RBFOX1: variants seen among roughly 807,000 people sequenced by gnomAD.
The protein encoded by RBFOX1 is RNA binding fox-1 homolog 1, also known as RNA binding protein fox-1 homolog 1.
In RBFOX1, 8 loss-of-function variants were observed where a neutral mutation model predicts 57.7. That is an observed-to-expected ratio of 0.14 (90% confidence interval 0.08 to 0.25). The LOEUF (loss-of-function observed/expected upper bound fraction) is 0.25. Among genes scored for constraint, RBFOX1 ranks in the 10% least tolerant of loss-of-function variants. The probability of loss-of-function intolerance (pLI) is 1.00; values close to 1 mark genes in which losing one functional copy is unlikely to be tolerated. For missense variants in RBFOX1, 611 were observed against 548.5 expected (o/e 1.11, Z -1.14); for synonymous variants, 326 against 222.4 (o/e 1.47, Z -4.15).
intron 3 of RBFOX1, among the ~76,000 whole-genome samples, chr16:5,708,378 C>A (rs141565754): frequency 6.6e-6 from 1 of 152,294 alleles, no homozygotes; most frequent in Non-Finnish European, 1.5e-5. Flanking sequence ...TACATAGATT[C>A]CTTTGATAGT....
chr16:6,303,404 T>C (rs898488426), intron 1 of RBFOX1, among the ~76,000 whole-genome samples: 1 of 152,244 alleles, frequency 6.6e-6, no homozygotes, highest in South Asian at 2.1e-4. Context: ...ATTTTCTTTC[T>C]CCATGTTGAA....
Position 5,947,280 on chromosome 16 carries a change from G to A in RBFOX1, c.351+79945G>A, listed in dbSNP as rs895141211. ...AGAGCACAGTGGGTAAGGAGGAGGT[G>A]GCCAAGCTGAGGTCAGAGGGGGAGG... On this transcript the variant is annotated intron_variant, in intron 4 of 19. Transcript: ENST00000641259. The surrounding 1 kb of genome is among the most constrained non-coding windows in gnomAD (Gnocchi z 7.2). Among the ~76,000 whole-genome samples the A allele has an allele frequency of 2.0e-5, 3 of 152,118 alleles. No individual in the cohort carries two copies. The highest frequency in any genetic ancestry group is 7.2e-5 in the African/African-American group (3 of 41,428).
chr16:7,617,019 T>G (rs2141832773), intron 10 of RBFOX1, among the ~76,000 whole-genome samples: 1 of 151,706 alleles, frequency 6.6e-6, no homozygotes, highest in South Asian at 2.1e-4. Context: ...ACTTGCAATT[T>G]ATAGTGACAT....
At chr16:7,215,034 G>T (rs564605665) in intron 4 of RBFOX1, among the ~76,000 whole-genome samples, 1 of 152,200 alleles carries the variant, frequency 6.6e-6, no homozygotes, top group African/African-American at 2.4e-5. Context: ...TTAGCTATTT[G>T]TCCTAATGCT....
intron 1 of RBFOX1, among the ~76,000 whole-genome samples, chr16:5,296,083 C>T (rs551631535): frequency 1.5e-3 from 144 of 95,916 alleles, no homozygotes; most frequent in Admixed American, 3.6e-3. Flanking sequence ...CCGGGTTCCC[C>T]CTGAGCTTCT....
At chr16:7,370,574 A>G (rs770906798) in intron 4 of RBFOX1, among the ~76,000 whole-genome samples, 3 of 152,156 alleles carry the variant, frequency 2.0e-5, no homozygotes, top group Non-Finnish European at 4.4e-5. Context: ...TGATATTTTC[A>G]GATGTGCTGC....
At chr16:7,427,032 C>T (rs529235299) in intron 4 of RBFOX1, among the ~76,000 whole-genome samples, 1 of 152,162 alleles carries the variant, frequency 6.6e-6, no homozygotes, top group Non-Finnish European at 1.5e-5. Flanking sequence ...CCAAACACTG[C>T]GTGTTCTCAC....
intron 3 of RBFOX1, among the ~76,000 whole-genome samples, chr16:6,831,485 A>G (rs1423594590): frequency 6.6e-6 from 1 of 152,134 alleles, no homozygotes; most frequent in Non-Finnish European, 1.5e-5. Context: ...ATTATATATC[A>G]TTTACTTAGC....
chr16:5,771,012 T>C (rs777635610), intron 3 of RBFOX1, among the ~76,000 whole-genome samples: 5 of 152,180 alleles, frequency 3.3e-5, no homozygotes, highest in African/African-American at 1.2e-4. Context: ...AAACGAGCAG[T>C]GTTGGCATCA....
At chr16:6,632,837 C>G (rs375686148) in intron 2 of RBFOX1, among the ~76,000 whole-genome samples, 1 of 152,194 alleles carries the variant, frequency 6.6e-6, no homozygotes, top group South Asian at 2.1e-4. Context: ...TGGAGCTGCT[C>G]TCTTTTCTTA....
In RBFOX1 at chr16:6,795,425, A is replaced by T. The variant is rs544688721; in HGVS notation, c.-16+140775A>T. Reference sequence around the variant, plus strand: ...GGAGTTTTGTCCTCAAGTTAAATTAATTCCCATTTTTTTTAAGTTACGTCT... The same window carrying T: ...GGAGTTTTGTCCTCAAGTTAAATTATTTCCCATTTTTTTTAAGTTACGTCT... On this transcript the variant is annotated intron_variant, in intron 3 of 15. Coordinates refer to ENST00000550418, the MANE Select transcript of RBFOX1 (RefSeq NM_018723.4). Among the ~76,000 whole-genome samples, 128 of 151,608 alleles carry T rather than the reference A, an allele frequency of 8.4e-4. 1 individual carries two copies. Among genetic ancestry groups the T allele is most frequent in the Non-Finnish European group, 1.3e-3 (89 of 67,674 alleles).
Position 6,898,275 on chromosome 16 carries a change from C to A in RBFOX1, c.-15-153782C>A, listed in dbSNP as rs573374932. 3.3e-5 allele frequency among the ~76,000 whole-genome samples: 5 copies of A among 152,264 alleles called. No individual in the cohort carries two copies. In the East Asian group the frequency reaches 9.7e-4, roughly 29 times the overall value. ...GCTGTGATCACCTGCCATCCTCAAG[C>A]TGCCATCTGACCCCTGCCCCTCCAC... On this transcript the variant is annotated intron_variant, in intron 3 of 15. Transcript: ENST00000550418.
intron 11 of RBFOX1, among the ~76,000 whole-genome samples, chr16:7,653,461 GCACC>G (rs2065546423): frequency 6.6e-6 from 1 of 152,152 alleles, no homozygotes; most frequent in Non-Finnish European, 1.5e-5. Flanking sequence ...AGCCGTGATT[GCACC>G]ACTGCACTCC....
intron 4 of RBFOX1, among the ~76,000 whole-genome samples, chr16:7,120,105 G>A (rs2066781169): frequency 6.6e-6 from 1 of 152,060 alleles, no homozygotes; most frequent in Admixed American, 6.6e-5. Flanking sequence ...ATCACCCATA[G>A]TTCAAAGAGG....
intron 12 of RBFOX1, 186 bp from the exon 13 acceptor site, chr16:7,664,743 G>A (rs932406545): frequency 5.6e-5 from 56 of 996,696 alleles, no homozygotes; most frequent in Middle Eastern, 3.2e-4. Context: ...ACCAAAGCCC[G>A]GCCTAATTTT....
intron 5 of RBFOX1, among the ~76,000 whole-genome samples, chr16:7,535,065 A>G (rs561737386): frequency 8.9e-4 from 135 of 152,314 alleles, no homozygotes; most frequent in African/African-American, 3.2e-3. Flanking sequence ...CATAACTAAC[A>G]TTGAAGGGAA....
At chr16:7,543,968 C>A (rs1299459877) in intron 5 of RBFOX1, among the ~76,000 whole-genome samples, 1 of 152,190 alleles carries the variant, frequency 6.6e-6, no homozygotes, top group East Asian at 1.9e-4. Context: ...ACCCACCTGC[C>A]TTGGTTTCCC....
intron 4 of RBFOX1, among the ~76,000 whole-genome samples, chr16:7,106,984 A>AAACACACACACACACACACACAC (rs529197707): frequency 6.1e-4 from 91 of 148,626 alleles, no homozygotes; most frequent in African/African-American, 1.6e-3. Context: ...ACACAGTTAA[A>AAACACACACACACACACACACAC]ACACACACAC....
chr16:7,446,795 GGTA>G (rs1193620756), intron 4 of RBFOX1, among the ~76,000 whole-genome samples: 17 of 128,126 alleles, frequency 1.3e-4, no homozygotes, highest in African/African-American at 4.7e-4. Context: ...GGTAGGTCTA[GGTA>G]TTTTTTTTTT....
Sources: gnomAD v4.1 joint callset for allele counts (sites outside exome capture counted in the v4.1 genomes callset) on GRCh38, gnomAD v4.1.1 for gene constraint, Gnocchi (gnomAD v3.1) non-coding constraint, MANE v1.5 for transcripts, NCBI Gene and HGNC (gene_info 2026-07-23, HGNC 2026-07-21) for gene names.